Variants in FANCI observed in about 807,000 individuals in gnomAD.
FANCI encodes FA complementation group I.
FANCI carries 156 observed loss-of-function variants against 176.1 expected under a neutral mutation model. That is an observed-to-expected ratio of 0.89 (90% CI 0.78 to 1.01). The LOEUF is 1.01. Among genes scored for constraint, FANCI ranks in the 50% least tolerant of loss-of-function variants. FANCI has a pLI of 0.00. For missense variants in FANCI, 1,678 were observed against 1,534.1 expected, an observed-to-expected ratio of 1.09 and a Z score of -1.57; for synonymous variants, 613 against 541.7, an observed-to-expected ratio of 1.13 and a Z score of -1.83.
chr15:89,274,472 A>ATT (rs2053327107), intron 12 of FANCI, among the ~76,000 whole-genome samples, 168 bp downstream of exon 12: 2 of 152,118 alleles, frequency 1.3e-5, no homozygotes, highest in Admixed American at 1.3e-4. Flanking sequence ...CTTTTTCCCT[A>ATT]TGGAAATATC....
At chr15:89,308,960 T>A (rs74505535) in intron 34 of FANCI, among the ~76,000 whole-genome samples, 28 of 141,562 alleles carry the variant, frequency 2.0e-4, no homozygotes, top group Admixed American at 3.5e-4. Context: ...AAAAAAAAAA[T>A]AAAGAATCAG....
chr15:89,249,692 A>C (rs2052153314), intron 2 of FANCI, among the ~76,000 whole-genome samples: 1 of 152,184 alleles, frequency 6.6e-6, no homozygotes, highest in African/African-American at 2.4e-5. Flanking sequence ...AATAGAACTC[A>C]CAAAATAAGG....
chr15:89,261,051 C>T (rs1291763925), intron 4 of FANCI, among the ~76,000 whole-genome samples: 1 of 151,992 alleles, frequency 6.6e-6, no homozygotes, highest in East Asian at 1.9e-4. Flanking sequence ...ATCGCTTGAG[C>T]TCAGGAGTTT....
intron 23 of FANCI, 63 bp downstream of exon 23, chr15:89,294,060 T>C (rs1007877543): frequency 6.5e-7 from 1 of 1,538,730 alleles, no homozygotes; most frequent in Non-Finnish European, 9.0e-7. Context: ...CTACCTAGGC[T>C]CACTTGTTTC....
Position 89,253,785 on chromosome 15 carries a change from GT to G in FANCI, c.85-4918del, listed in dbSNP as rs1426118119. 1.5e-3 allele frequency among the ~76,000 whole-genome samples: 98 copies of G among 66,230 alleles called. No homozygotes were observed. In the East Asian group the frequency reaches 0.015, roughly 10 times the overall value. 43.4% of individuals were successfully genotyped at this position (66,230 alleles called of 152,430 possible). A position where few individuals can be genotyped will look rare whatever the true frequency, so the allele number is the denominator to read the frequency against. ...AATATCCCTAATTCATAAATAACTT[GT>G]GGGGGGGGGGGGGAAGATAAACTGT... On this transcript the variant is annotated intron_variant, in intron 2 of 37. Transcript: ENST00000310775.
intron 16 of FANCI, 115 bp from the exon 17 acceptor site, chr15:89,283,021 C>T (rs1242960189): frequency 1.3e-5 from 13 of 998,132 alleles, no homozygotes; most frequent in Middle Eastern, 4.1e-4. Context: ...TTTTGCTCTA[C>T]GCTTCATTGT....
At position 89,276,698 on chromosome 15, in the gene FANCI, T is replaced by C. The variant is rs780734603; in HGVS notation, c.1113-13T>C. 1.3e-5 allele frequency: 21 copies of C among 1,614,040 alleles called. No individual in the cohort carries two copies. The Admixed American group carries it at 3.5e-4, about 27-fold the overall frequency. On this transcript the variant is annotated splice_polypyrimidine_tract_variant and intron_variant, in intron 12 of 37. Transcript: ENST00000310775. ...AAGTTTTTCTTTTTTAACTAAGCTT[T>C]GTGTTCTTGTAGCGTTCATAGCTGG...
intron 32 of FANCI, 59 bp downstream of exon 32, chr15:89,306,253 G>T: frequency 6.5e-7 from 1 of 1,550,138 alleles, no homozygotes; most frequent in Non-Finnish European, 8.9e-7. Context: ...GCCAGGAGAT[G>T]AGGATGGGGC....
chr15:89,255,973 G>T (rs576036677), intron 2 of FANCI, among the ~76,000 whole-genome samples: 20 of 152,308 alleles, frequency 1.3e-4, no homozygotes, highest in African/African-American at 4.6e-4. Flanking sequence ...GTGGGGAAAT[G>T]GACACACATA....
In FANCI at chr15:89,312,888, G is replaced by A. The variant is rs537857278; in HGVS notation, c.3652-16G>A. The A allele has an allele frequency of 2.5e-6, 4 of 1,593,730 alleles. No individual in the cohort carries two copies. Among genetic ancestry groups the A allele is most frequent in the Non-Finnish European group, 3.4e-6 (4 of 1,162,164 alleles). The stretch of plus-strand genomic sequence containing the variant: ...AAAATCATCAGGAATAAGAGAATGT[G>A]TTTCTATTTCTTTAGAATAAGAGTA... On this transcript the variant is annotated splice_polypyrimidine_tract_variant and intron_variant, in intron 34 of 37. Transcript: ENST00000310775.
At chr15:89,295,740 C>CCA (rs1443047719) in intron 24 of FANCI, among the ~76,000 whole-genome samples, 1 of 144,376 alleles carries the variant, frequency 6.9e-6, no homozygotes, top group African/African-American at 2.5e-5. Context: ...GCGCCCCCCC[C>CCA]ACCTTTTTTT....
At chr15:89,302,447 AT>A (rs2151874560) in intron 27 of FANCI, among the ~76,000 whole-genome samples, 1 of 152,262 alleles carries the variant, frequency 6.6e-6, no homozygotes, top group Admixed American at 6.5e-5. Flanking sequence ...AAATAAATGG[AT>A]TTAGGAAGGC....
chr15:89,247,667 C>G lies in FANCI; in HGVS notation c.20C>G (p.Ser7Cys), dbSNP rs757807318. The G allele has an allele frequency of 6.2e-7, 1 of 1,613,982 alleles. No individual in the cohort carries two copies. The highest frequency in any genetic ancestry group is 8.5e-7 in the Non-Finnish European group (1 of 1,179,932). Reference protein sequence around the residue: MDQKILSLAAEKTADKL... With the variant: MDQKILCLAAEKTADKL... ...GCAACAATGGACCAGAAGATTTTAT[C>G]TCTAGCAGCAGAAAAAACAGCAGAC... is the stretch of plus-strand genomic sequence containing the variant. The change falls in exon 2 of 38, where the codon TCT becomes TGT. Residue 7 changes from serine (S) to cysteine (C), a missense_variant. Around this residue, in one of 3 missense-constraint regions of FANCI, gnomAD observed 469 missense variants for 436.9 expected, o/e 1.07. Coordinates refer to ENST00000310775, the MANE Select transcript of FANCI (RefSeq NM_001113378.2).
Position 89,301,297 on chromosome 15 carries a change from T to A in FANCI, c.2890-29T>A, listed in dbSNP as rs372267541. 4 of 1,451,174 alleles carry A rather than the reference T, an allele frequency of 2.8e-6. No individual in the cohort carries two copies. In the African/African-American group the frequency reaches 5.6e-5, roughly 20 times the overall value. The allele number at this position is 1,451,174 out of a possible 1,614,324, so 89.9% of individuals were successfully genotyped here. On this transcript the variant is annotated intron_variant, in intron 26 of 37. Coordinates refer to ENST00000310775, the MANE Select transcript of FANCI (RefSeq NM_001113378.2). ...CTGATAGGAACGTGTCTGCTAACATTGCTTGCTGTGTGTGCCTTCCTTTCT... is the reference window on the plus strand; with the variant it reads ...CTGATAGGAACGTGTCTGCTAACATAGCTTGCTGTGTGTGCCTTCCTTTCT...
At chr15:89,269,702 A>T (rs370707493) in intron 10 of FANCI, among the ~76,000 whole-genome samples, 2 of 152,236 alleles carry the variant, frequency 1.3e-5, no homozygotes, top group Admixed American at 6.5e-5. Context: ...TTCCAGCAAG[A>T]AGGCAGCCAT....
At chr15:89,283,887 C>T (rs538097141) in intron 17 of FANCI, among the ~76,000 whole-genome samples, 37 of 151,932 alleles carry the variant, frequency 2.4e-4, no homozygotes, top group African/African-American at 7.7e-4. Context: ...CTCAGCCTCC[C>T]GAGTAGCTGG....
intron 2 of FANCI, among the ~76,000 whole-genome samples, chr15:89,257,147 C>T (rs1031468365): frequency 9.8e-5 from 15 of 152,294 alleles, no homozygotes; most frequent in African/African-American, 2.9e-4. Flanking sequence ...ACCTTGTGAT[C>T]TGCCCACCTC....
chr15:89,314,527 A>G, intron 35 of FANCI, 85 bp from the exon 36 acceptor site: 1 of 987,062 alleles, frequency 1.0e-6, no homozygotes, highest in Non-Finnish European at 1.6e-6. Context: ...CCCTAAAGCC[A>G]TACAGTTTTG....
chr15:89,316,328 C>G, intron 37 of FANCI, 69 bp from the exon 38 acceptor site: 12 of 1,417,068 alleles, frequency 8.5e-6, no homozygotes, highest in Middle Eastern at 1.8e-4. Flanking sequence ...TCTTTTTTTT[C>G]CTTCTTTTTA....
Sources: allele counts gnomAD v4.1 joint callset (sites outside exome capture counted in the v4.1 genomes callset), GRCh38; gene constraint gnomAD v4.1.1; regional missense constraint gnomAD v4.1.1; transcripts MANE v1.5; gene names NCBI Gene and HGNC (gene_info 2026-07-23, HGNC 2026-07-21).